The following SCAMP4 variants were observed in gnomAD, a reference collection of about 807,000 sequenced individuals.
SCAMP4 encodes the protein secretory carrier-associated membrane protein 4.
Under a neutral mutation model 32.1 loss-of-function variants are expected in SCAMP4, and 19 were observed. That is an observed-to-expected ratio of 0.59 (90% CI 0.41 to 0.87). SCAMP4 has a LOEUF of 0.87. SCAMP4 is among the 40% of genes least tolerant of loss of function. The pLI is 0.00. For missense variants in SCAMP4, 302 were observed against 309.0 expected, an observed-to-expected ratio of 0.98 and a Z score of 0.17; for synonymous variants, 152 against 132.7, an observed-to-expected ratio of 1.15 and a Z score of -1.00.
rs998059698 is a variant in SCAMP4, at chr19:1,924,796, G to A, written c.*512G>A. ...CTTCCGGTCCCCTGCAGTGATAGAG[G>A]GCTTGGTGCCTAGCTGAGTCCTCGC... On this transcript the variant is annotated 3_prime_UTR_variant, in exon 7 of 7. Transcript: ENST00000316097. 4 of 180,830 alleles carry A rather than the reference G, an allele frequency of 2.2e-5. No individual in the cohort carries two copies. The highest frequency in any genetic ancestry group is 5.3e-5 in the Admixed American group (1 of 18,746). The allele number at this position is 180,830 out of a possible 1,614,324, so 11.2% of individuals were successfully genotyped here.
chr19:1,914,962 G>C lies in SCAMP4; in HGVS notation c.-41-17G>C, dbSNP rs1329567606. 1.9e-6 allele frequency: 3 copies of C among 1,611,696 alleles called. No homozygotes were observed. Among genetic ancestry groups the C allele is most frequent in the Non-Finnish European group, 2.5e-6 (3 of 1,177,854 alleles). ...GGGCAGCTCAGGGTTCCCTGACTGT[G>C]GTTGTCTTCCTTCCAGGCGGCTGCA... On this transcript the variant is annotated splice_polypyrimidine_tract_variant and intron_variant, in intron 1 of 6. Coordinates refer to ENST00000316097, the MANE Select transcript of SCAMP4 (RefSeq NM_079834.4).
At chr19:1,910,050 G>T (rs2013355916) in intron 1 of SCAMP4, among the ~76,000 whole-genome samples, 1 of 152,218 alleles carries the variant, frequency 6.6e-6, no homozygotes, top group African/African-American at 2.4e-5. Context: ...CCCACACTTG[G>T]CATGCTTGCT....
intron 1 of SCAMP4, among the ~76,000 whole-genome samples, chr19:1,913,751 A>C (rs1041155275): frequency 6.6e-6 from 1 of 152,216 alleles, no homozygotes; most frequent in African/African-American, 2.4e-5. Context: ...GGGACCCCAA[A>C]GGGCTGATGC....
chr19:1,905,459 G>C lies in SCAMP4; in HGVS notation c.-42+20G>C. ...CCTCAGGTAAGCGCGCGGCCCCGAG[G>C]TCTCGGGTTCTCCAGGCTCAGACTT... is the stretch of plus-strand genomic sequence containing the variant. On this transcript the variant is annotated intron_variant, in intron 1 of 6. Coordinates refer to ENST00000316097, the MANE Select transcript of SCAMP4 (RefSeq NM_079834.4). 1 of 457,620 alleles carries C rather than the reference G, an allele frequency of 2.2e-6. No individual in the cohort carries two copies. The allele number at this position is 457,620 out of a possible 1,614,324, so 28.3% of individuals were successfully genotyped here.
At chr19:1,922,879 C>T (rs779303526) in intron 5 of SCAMP4, 191 bp from the exon 6 acceptor site, 63 of 1,328,606 alleles carry the variant, frequency 4.7e-5, no homozygotes, top group Middle Eastern at 2.8e-4. Context: ...GGGATAAGGT[C>T]GTATTCACGC....
chr19:1,909,141 C>T (rs957405624), intron 1 of SCAMP4, among the ~76,000 whole-genome samples: 1 of 151,310 alleles, frequency 6.6e-6, no homozygotes, highest in Non-Finnish European at 1.5e-5. Flanking sequence ...TGGTGGCTTA[C>T]GCCTGTAATC....
intron 5 of SCAMP4, chr19:1,921,454 C>T (rs999289594): frequency 2.0e-5 from 20 of 985,216 alleles, no homozygotes; most frequent in Non-Finnish European, 2.4e-5. Flanking sequence ...GCAGCAGGGG[C>T]CCCCGGTGGG....
chr19:1,916,799 C>T (rs747542837), intron 2 of SCAMP4, among the ~76,000 whole-genome samples: 8 of 152,204 alleles, frequency 5.3e-5, no homozygotes, highest in Non-Finnish European at 8.8e-5. Flanking sequence ...GGTGGTTTCT[C>T]ACAGCAGCCA....
intron 1 of SCAMP4, chr19:1,913,034 C>T (rs765637931): frequency 6.2e-6 from 10 of 1,604,178 alleles, no homozygotes; most frequent in Admixed American, 3.3e-5. Context: ...CGCCCTCGCC[C>T]GACGGCGCCC....
At chr19:1,912,857 C>T (rs1160918120) in intron 1 of SCAMP4, 4 of 1,598,286 alleles carry the variant, frequency 2.5e-6, no homozygotes, top group East Asian at 4.5e-5. Context: ...TCGCCCCGGC[C>T]GCTGCCCCCC....
Position 1,924,540 on chromosome 19 carries a change from G to A in SCAMP4, c.*256G>A, listed in dbSNP as rs555412908. 4.6e-4 allele frequency: 241 copies of A among 525,066 alleles called. No individual in the cohort carries two copies. Among genetic ancestry groups the A allele is most frequent in the Non-Finnish European group, 7.3e-4 (209 of 287,036 alleles). 32.5% of individuals were successfully genotyped at this position (525,066 alleles called of 1,614,324 possible). ...GTCCACAGGACGCCCTCTTGCTCCC[G>A]GAAACGTGTGGTCACCCGCCGTCCA... On this transcript the variant is annotated 3_prime_UTR_variant, in exon 7 of 7. Transcript: ENST00000316097.
intron 1 of SCAMP4, among the ~76,000 whole-genome samples, chr19:1,914,152 C>T (rs948485453): frequency 6.6e-6 from 1 of 152,152 alleles, no homozygotes; most frequent in Non-Finnish European, 1.5e-5. Flanking sequence ...TGCTCAGGTG[C>T]TCAGCTCCTT....
chr19:1,907,629 A>G lies in SCAMP4; in HGVS notation c.-42+2190A>G, dbSNP rs538750070. On this transcript the variant is annotated intron_variant, in intron 1 of 6. Coordinates refer to ENST00000316097, the MANE Select transcript of SCAMP4 (RefSeq NM_079834.4). ...ATAAAGGCCTCCCAGCCTCCTGTTC[A>G]CCAGGGTTGTCACCACGCAGGGTCT... Among the ~76,000 whole-genome samples the G allele has an allele frequency of 2.0e-5, 3 of 152,176 alleles. No individual in the cohort carries two copies. In the South Asian group the frequency reaches 6.2e-4, roughly 32 times the overall value.
rs1338363042 is a variant in SCAMP4 at position 1,924,327 on chromosome 19, T to C, written c.*43T>C. 1.3e-6 allele frequency: 2 copies of C among 1,522,274 alleles called. No homozygotes were observed. The highest frequency in any genetic ancestry group is 4.9e-5 in the East Asian group (2 of 41,166). 94.3% of individuals were successfully genotyped at this position (1,522,274 alleles called of 1,614,324 possible). A position where few individuals can be genotyped will look rare whatever the true frequency, so the allele number is the denominator to read the frequency against. On this transcript the variant is annotated 3_prime_UTR_variant, in exon 7 of 7. Transcript: ENST00000316097. The stretch of plus-strand genomic sequence containing the variant: ...CCCACCGCCCACCACCTCCTCCCCT[T>C]CATTCCTGCTGCTACCCCTGGTCCC...
rs1392939636 is a variant in SCAMP4, at chr19:1,925,936, G to A, written c.*1652G>A. Reference sequence around the variant, plus strand: ...CCCCCCCCCACCCCTCCCCCGCCGTGTGTGGCCCCTCGCCGCATCGTTGGG... The same window carrying A: ...CCCCCCCCCACCCCTCCCCCGCCGTATGTGGCCCCTCGCCGCATCGTTGGG... On this transcript the variant is annotated 3_prime_UTR_variant, in exon 7 of 7. Coordinates refer to ENST00000316097, the MANE Select transcript of SCAMP4 (RefSeq NM_079834.4). 7.3e-6 allele frequency: 1 copy of A among 136,658 alleles called. No homozygotes were observed. The highest frequency in any genetic ancestry group is 1.5e-5 in the Non-Finnish European group (1 of 65,046). The allele number at this position is 136,658 out of a possible 1,614,324, so 8.5% of individuals were successfully genotyped here. A position where few individuals can be genotyped will look rare whatever the true frequency, so the allele number is the denominator to read the frequency against.
chr19:1,924,460 T>TCATCC lies in SCAMP4; in HGVS notation c.*177_*181dup. The TCATCC allele has an allele frequency of 1.6e-6, 1 of 613,212 alleles. No homozygotes were observed. The highest frequency in any genetic ancestry group is 1.9e-5 in the South Asian group (1 of 52,276). The allele number at this position is 613,212 out of a possible 1,614,324, so 38.0% of individuals were successfully genotyped here. The stretch of plus-strand genomic sequence containing the variant: ...CAGGGCCACAGAACCCGTGTTCATC[T>TCATCC]CATCCGAGAGCGGAGTTCCTCACAA... On this transcript the variant is annotated 3_prime_UTR_variant, in exon 7 of 7. Coordinates refer to ENST00000316097, the MANE Select transcript of SCAMP4 (RefSeq NM_079834.4).
intron 1 of SCAMP4, chr19:1,905,657 C>G (rs1568757176): frequency 1.3e-5 from 2 of 158,104 alleles, no homozygotes; most frequent in African/African-American, 4.8e-5. Context: ...CGGCGCTGGC[C>G]TGGGGGAAGC....
At position 1,925,442 on chromosome 19, in the gene SCAMP4, AT is replaced by A. The variant is rs1379316120; in HGVS notation, c.*1159del. 2.0e-5 allele frequency: 3 copies of A among 152,596 alleles called. No homozygotes were observed. Among genetic ancestry groups the A allele is most frequent in the East Asian group, 3.9e-4 (2 of 5,194 alleles). The allele number at this position is 152,596 out of a possible 1,614,324, so 9.5% of individuals were successfully genotyped here. On this transcript the variant is annotated 3_prime_UTR_variant, in exon 7 of 7. Coordinates refer to ENST00000316097, the MANE Select transcript of SCAMP4 (RefSeq NM_079834.4). The stretch of plus-strand genomic sequence containing the variant: ...AGGGGACCCGTCAAATCTGTGCCTT[AT>A]GGAGGGGTCCGGCAGCGGCCACAAT...
chr19:1,919,454 T>C, intron 5 of SCAMP4: 2 of 984,946 alleles, frequency 2.0e-6, no homozygotes, highest in Non-Finnish European at 2.4e-6. Context: ...TGCCCAGAAG[T>C]GTTTGTGTTG....
Sources: gnomAD v4.1 joint callset for allele counts (sites outside exome capture counted in the v4.1 genomes callset) on GRCh38, gnomAD v4.1.1 for gene constraint, MANE v1.5 for transcripts, NCBI Gene and HGNC (gene_info 2026-07-23, HGNC 2026-07-21) for gene names.